The following METTL25B variants were observed in gnomAD, a reference collection of about 807,000 sequenced individuals.
METTL25B encodes methyltransferase like 25B, also known as methyltransferase-like protein 25B.
METTL25B carries 38 observed loss-of-function variants against 48.4 expected under a neutral mutation model. The observed-to-expected ratio is 0.78, with a 90% CI of 0.61 to 1.03. The LOEUF (loss-of-function observed/expected upper bound fraction) is 1.03, where lower values mean the gene tolerates loss of function less well. Ranked by LOEUF, METTL25B falls within the 50% of genes least tolerant of loss-of-function variation. The pLI, the probability that METTL25B is intolerant of heterozygous loss-of-function variation, is 0.00. For synonymous variants in METTL25B, 230 were observed against 254.5 expected, an observed-to-expected ratio of 0.90 and a Z score of 0.92; for missense variants, 537 against 603.7, an observed-to-expected ratio of 0.89 and a Z score of 1.16.
rs761612249 is a variant in METTL25B, at chr1:156,732,393, A to C, written c.349A>C (p.Ser117Arg). 1 of 1,614,204 alleles carries C rather than the reference A, an allele frequency of 6.2e-7. No individual in the cohort carries two copies. Among genetic ancestry groups the C allele is most frequent in the Non-Finnish European group, 8.5e-7 (1 of 1,180,042 alleles). The change falls in exon 3 of 8, where the codon AGC becomes CGC. Residue 117 changes from serine (S) to arginine (R), a missense_variant. Physicochemically the swap from Ser to Arg is moderately radical, Grantham distance 110. Coordinates refer to ENST00000368216, the MANE Select transcript of METTL25B (RefSeq NM_015997.4). ...CCCCTCAGAATTCCTGGAGAACCCC[A>C]GCCAGAGCTCCCGACTAACAGCTCC... ...QTPSEFLENP[S>R]QSSRLTAPFR...
rs575664815 is a variant in METTL25B at position 156,736,273 on chromosome 1, T to C, written c.1307-359T>C. Reference sequence around the variant, plus strand: ...TATTTGGGTGGTTGAGGCAAAAGAATTGCTTGAACCCAGGAGGCGGAGGTT... The same window carrying C: ...TATTTGGGTGGTTGAGGCAAAAGAACTGCTTGAACCCAGGAGGCGGAGGTT... On this transcript the variant is annotated intron_variant, in intron 7 of 7. Transcript: ENST00000368216. 6.0e-4 allele frequency: 150 copies of C among 249,850 alleles called. 1 individual carries two copies. Among genetic ancestry groups the C allele is most frequent in the Non-Finnish European group, 9.4e-4 (121 of 129,076 alleles). The allele number at this position is 249,850 out of a possible 1,614,324, so 15.5% of individuals were successfully genotyped here. A position where few individuals can be genotyped will look rare whatever the true frequency, so the allele number is the denominator to read the frequency against.
chr1:156,733,650 T>A, intron 5 of METTL25B, 130 bp downstream of exon 5: 1 of 1,037,836 alleles, frequency 9.6e-7, no homozygotes, highest in Non-Finnish European at 1.4e-6. Context: ...TTCTATTACC[T>A]CTTTCCCAAG....
At chr1:156,733,750 G>A in intron 5 of METTL25B, 2 of 645,576 alleles carry the variant, frequency 3.1e-6, no homozygotes, top group Non-Finnish European at 5.2e-6. Context: ...CTCACTACCT[G>A]TGAAGTGGCC....
At chr1:156,734,532 A>AT (rs779717146) in intron 6 of METTL25B, 39 bp downstream of exon 6, 2 of 1,461,538 alleles carry the variant, frequency 1.4e-6, no homozygotes, top group East Asian at 2.5e-5. Context: ...TGGAGAGGAG[A>AT]TTTCTTTTTT....
chr1:156,735,827 C>A lies in METTL25B; in HGVS notation c.1224C>A (p.Ala408=), dbSNP rs200755980. 81 of 1,612,920 alleles carry A rather than the reference C, an allele frequency of 5.0e-5. No homozygotes were observed. In the East Asian group the frequency reaches 1.8e-3, roughly 36 times the overall value. The change falls in exon 7 of 8, where the codon GCC becomes GCA. Residue 408 remains alanine (A), a synonymous_variant. Transcript: ENST00000368216. ...TGGCCCAGGAGAACCGTGTGGTGGC[C>A]TTCTTCAGCCTGGCTCTACTGCTTG... ...AHVAQENRVV[A]FFSLALLLAP...
Position 156,728,538 on chromosome 1 carries a change from A to G in METTL25B, c.-567A>G. On this transcript the variant is annotated 5_prime_UTR_variant, in exon 1 of 8. Transcript: ENST00000368216. ...ACGCGCCAGAGGTCGGCGCGCGCACACCCGCACCGCCCCGACCCCAGGTAG... is the reference window on the plus strand; with the variant it reads ...ACGCGCCAGAGGTCGGCGCGCGCACGCCCGCACCGCCCCGACCCCAGGTAG... 4.1e-6 allele frequency: 4 copies of G among 980,958 alleles called. No individual in the cohort carries two copies. The East Asian group carries it at 3.6e-4, about 88-fold the overall frequency. 60.8% of individuals were successfully genotyped at this position (980,958 alleles called of 1,614,324 possible). A position where few individuals can be genotyped will look rare whatever the true frequency, so the allele number is the denominator to read the frequency against.
chr1:156,736,482 G>C, intron 7 of METTL25B, 150 bp from the exon 8 acceptor site: 1 of 822,368 alleles, frequency 1.2e-6, no homozygotes. Flanking sequence ...CAGTGCCTTG[G>C]GAACCCGTGT....
chr1:156,732,533 C>T, intron 3 of METTL25B, 60 bp downstream of exon 3: 1 of 1,540,752 alleles, frequency 6.5e-7, no homozygotes, highest in Non-Finnish European at 8.9e-7. Flanking sequence ...TTAAGCCTGG[C>T]TTACAAATAT....
chr1:156,728,868 C>G lies in METTL25B; in HGVS notation c.-237C>G. On this transcript the variant is annotated 5_prime_UTR_variant, in exon 1 of 8. Coordinates refer to ENST00000368216, the MANE Select transcript of METTL25B (RefSeq NM_015997.4). ...TGCACTGTTACCCCGCCCTACGTGT[C>G]TCTGACGCTGACACCTTCTCACTGT... The G allele has an allele frequency of 1.5e-6, 1 of 665,080 alleles. No individual in the cohort carries two copies. The highest frequency in any genetic ancestry group is 2.3e-6 in the Non-Finnish European group (1 of 444,200). The allele number at this position is 665,080 out of a possible 1,614,324, so 41.2% of individuals were successfully genotyped here.
rs763696807 is a variant in METTL25B, at chr1:156,736,644, A to T, written c.1319A>T (p.Glu440Val). ...CCCTTTCTCCCAGGTTTCCATGCTG[A>T]GCTCCTGCCCATCTTCAGTCCTGAA... The part of the protein sequence containing the change: ...LYLQEQGFHA[E>V]LLPIFSPELS... The change falls in exon 8 of 8, where the codon GAG becomes GTG. Residue 440 changes from glutamate (E) to valine (V), a missense_variant. By Grantham distance (121) the Glu-to-Val change is moderately radical. Coordinates refer to ENST00000368216, the MANE Select transcript of METTL25B (RefSeq NM_015997.4). 6.2e-7 allele frequency: 1 copy of T among 1,613,990 alleles called. No homozygotes were observed. Among genetic ancestry groups the T allele is most frequent in the Non-Finnish European group, 8.5e-7 (1 of 1,180,000 alleles).
chr1:156,730,299 A>G (rs1429808823), intron 1 of METTL25B, among the ~76,000 whole-genome samples: 3 of 152,076 alleles, frequency 2.0e-5, no homozygotes, highest in African/African-American at 4.8e-5. Context: ...ACTGTGCTAT[A>G]CCTCTGCTGG....
At chr1:156,732,144 G>A (rs3795738) in intron 2 of METTL25B, 29 bp downstream of exon 2, 1 of 1,614,040 alleles carries the variant, frequency 6.2e-7, no homozygotes, top group Non-Finnish European at 8.5e-7. Context: ...CTGTGCTGGG[G>A]AACTCAAGGC....
At chr1:156,733,323 T>A in intron 4 of METTL25B, 54 bp from the exon 5 acceptor site, 1 of 1,597,672 alleles carries the variant, frequency 6.3e-7, no homozygotes, top group Non-Finnish European at 8.5e-7. Flanking sequence ...ATGGGGAGGG[T>A]GATAGTGGAT....
rs1649495540 is a variant in METTL25B, at chr1:156,733,888, T to C, written c.637-121T>C. The C allele has an allele frequency of 5.0e-6, 7 of 1,399,348 alleles. No homozygotes were observed. The East Asian group carries it at 1.6e-4, about 32-fold the overall frequency. The allele number at this position is 1,399,348 out of a possible 1,614,324, so 86.7% of individuals were successfully genotyped here. ...TGGTCCAGCCCCTCCCGCACCCACCTTATCTCCCACATTCCTCCTTGGGGA... is the reference window on the plus strand; with the variant it reads ...TGGTCCAGCCCCTCCCGCACCCACCCTATCTCCCACATTCCTCCTTGGGGA... On this transcript the variant is annotated intron_variant, in intron 5 of 7. Coordinates refer to ENST00000368216, the MANE Select transcript of METTL25B (RefSeq NM_015997.4).
In METTL25B at chr1:156,734,141, C is replaced by A; in HGVS notation, c.769C>A (p.Leu257Ile). 4 of 1,614,218 alleles carry A rather than the reference C, an allele frequency of 2.5e-6. No homozygotes were observed. Among genetic ancestry groups the A allele is most frequent in the Non-Finnish European group, 3.4e-6 (4 of 1,180,028 alleles). Residue 257 changes from leucine (L) to isoleucine (I), a missense_variant, in exon 6 of 8, where the codon CTC becomes ATC. Transcript: ENST00000368216. The part of the protein sequence containing the change: ...QGRARLLLTG[L>I]HACGDLSVAL... ...CAGGGCCCGCTTGCTGCTCACAGGC[C>A]TCCACGCCTGTGGGGATCTGAGTGT...
chr1:156,732,550 C>T, intron 3 of METTL25B, 77 bp downstream of exon 3: 1 of 1,404,518 alleles, frequency 7.1e-7, no homozygotes, highest in Non-Finnish European at 9.8e-7. Flanking sequence ...ATATGTGTGC[C>T]CTTTACCTCA....
chr1:156,732,063 C>A lies in METTL25B; in HGVS notation c.184C>A (p.Pro62Thr). Residue 62 changes from proline to threonine, a missense_variant, in exon 2 of 8, where the codon CCA becomes ACA. By Grantham distance (38) the Pro-to-Thr change is conservative. Transcript: ENST00000368216. ...WQEALDGLKPPQLATMLLGMP... is the reference protein window; with the variant it reads ...WQEALDGLKPTQLATMLLGMP... ...GGAAGCATTGGATGGACTGAAACCACCACAGCTGGCCACAATGCTGCTGGG... is the reference window on the plus strand; with the variant it reads ...GGAAGCATTGGATGGACTGAAACCAACACAGCTGGCCACAATGCTGCTGGG... The A allele has an allele frequency of 6.2e-7, 1 of 1,614,208 alleles. No homozygotes were observed. Among genetic ancestry groups the A allele is most frequent in the Non-Finnish European group, 8.5e-7 (1 of 1,180,042 alleles).
chr1:156,732,254 C>A, intron 2 of METTL25B, 27 bp from the exon 3 acceptor site: 1 of 1,612,586 alleles, frequency 6.2e-7, no homozygotes, highest in Non-Finnish European at 8.5e-7. Flanking sequence ...GGACTATTCA[C>A]TGGAGGCCTC....
Position 156,734,428 on chromosome 1 carries a change from C to T in METTL25B, c.1056C>T (p.Ala352=). The change falls in exon 6 of 8, where the codon GCC becomes GCT. Residue 352 remains alanine, a synonymous_variant. Transcript: ENST00000368216. ...CACTGGAGACAGTCATCCGACGGGC[C>T]CGGCCCGAGCTCCGTCGGCCAGGCG... is the stretch of plus-strand genomic sequence containing the variant. ...RAALETVIRR[A]RPELRRPGVQ... 1.9e-6 allele frequency: 3 copies of T among 1,608,414 alleles called. No homozygotes were observed. The highest frequency in any genetic ancestry group is 2.5e-6 in the Non-Finnish European group (3 of 1,177,540).
Sources: gnomAD v4.1 joint callset for allele counts (sites outside exome capture counted in the v4.1 genomes callset) on GRCh38, gnomAD v4.1.1 for gene constraint, MANE v1.5 for transcripts, NCBI Gene and HGNC (gene_info 2026-07-23, HGNC 2026-07-21) for gene names.